Variants in CD200 observed in about 807,000 individuals in gnomAD.
CD200 encodes OX-2 membrane glycoprotein.
Under a neutral mutation model 30.9 loss-of-function variants are expected in CD200, and 15 were observed. The ratio of observed to expected loss-of-function variants is 0.49; its 90% CI spans 0.32 to 0.75. The LOEUF is 0.75. Ranked by LOEUF, CD200 falls within the 30% of genes least tolerant of loss-of-function variation. The pLI, the probability that CD200 is intolerant of heterozygous loss-of-function variation, is 0.03. For synonymous variants in CD200, 134 were observed against 126.2 expected (o/e 1.06, Z -0.41); for missense variants, 262 against 324.2 (o/e 0.81, Z 1.47).
intron 5 of CD200, among the ~76,000 whole-genome samples, chr3:112,359,653 A>T (rs1180227001): frequency 6.6e-6 from 1 of 152,190 alleles, no homozygotes; most frequent in Admixed American, 6.5e-5. Context: ...TTTATTAATA[A>T]TTTTTAATAT....
At position 112,347,845 on chromosome 3, in the gene CD200, G is replaced by A; in HGVS notation, c.694+15G>A. ...CGTCAACAAAGGTAAGAGAAAGTGA[G>A]CAAGGTGGCTGTGGTTGTGTCTGTG... On this transcript the variant is annotated intron_variant, in intron 4 of 5. Coordinates refer to ENST00000315711, the MANE Select transcript of CD200 (RefSeq NM_005944.7). 6.2e-7 allele frequency: 1 copy of A among 1,608,858 alleles called. No homozygotes were observed.
chr3:112,345,365 C>A, intron 3 of CD200, 77 bp downstream of exon 3: 1 of 1,169,742 alleles, frequency 8.5e-7, no homozygotes, highest in South Asian at 1.4e-5. Flanking sequence ...CCGTAGTGCC[C>A]AGTTTTTCAG....
Position 112,342,064 on chromosome 3 carries a change from A to G in CD200, c.94+1081A>G, listed in dbSNP as rs76076816. Among the ~76,000 whole-genome samples, 1,180 of 152,050 alleles carry G rather than the reference A, an allele frequency of 7.8e-3. 21 individuals are homozygous for G. The highest frequency in any genetic ancestry group is 0.027 in the African/African-American group (1,133 of 41,456). On this transcript the variant is annotated intron_variant, in intron 2 of 5. Coordinates refer to ENST00000315711, the MANE Select transcript of CD200 (RefSeq NM_005944.7). ...TTCTACTTATACTTGTCAACATTTTATCCAGATTATCAGTCTTTAAAAACA... is the reference window on the plus strand; with the variant it reads ...TTCTACTTATACTTGTCAACATTTTGTCCAGATTATCAGTCTTTAAAAACA...
At chr3:112,342,420 TCTTTCTTTC>T (rs1369116965) in intron 2 of CD200, among the ~76,000 whole-genome samples, 4 of 84,834 alleles carry the variant, frequency 4.7e-5, no homozygotes, top group Non-Finnish European at 7.3e-5. Context: ...TTTCTTTCTT[TCTTTCTTTC>T]TTCTCTCTCT....
At chr3:112,345,656 C>A (rs1486164532) in intron 3 of CD200, among the ~76,000 whole-genome samples, 5 of 152,318 alleles carry the variant, frequency 3.3e-5, no homozygotes, top group African/African-American at 1.2e-4. Flanking sequence ...ATTGTCTGGA[C>A]AATAAGTGTG....
chr3:112,336,285 A>C (rs940317558), intron 1 of CD200, among the ~76,000 whole-genome samples: 4 of 152,140 alleles, frequency 2.6e-5, no homozygotes, highest in Non-Finnish European at 5.9e-5. Context: ...GGACAGGAAA[A>C]GGAAGAGAAA....
chr3:112,348,288 G>A (rs2081448785), intron 4 of CD200, among the ~76,000 whole-genome samples: 1 of 152,170 alleles, frequency 6.6e-6, no homozygotes, highest in South Asian at 2.1e-4. Flanking sequence ...GGGAAGGAGG[G>A]GCTCAATCTG....
At chr3:112,354,978 T>C (rs1422130348) in intron 5 of CD200, among the ~76,000 whole-genome samples, 1 of 152,214 alleles carries the variant, frequency 6.6e-6, no homozygotes, top group Admixed American at 6.5e-5. Context: ...TCCTTGTGAT[T>C]ACAATGGGCC....
chr3:112,332,946 T>C, upstream of CD200: 1 of 547,444 alleles, frequency 1.8e-6, no homozygotes, highest in Non-Finnish European at 3.2e-6. Flanking sequence ...CCAAACACTT[T>C]GTCAGTTTCC....
chr3:112,358,610 T>C (rs12635872), intron 5 of CD200, among the ~76,000 whole-genome samples: 27,689 of 152,146 alleles, frequency 0.18, 2,798 homozygotes, highest in East Asian at 0.46. Flanking sequence ...GCAGTTCCTG[T>C]AAGGATGTGT....
Position 112,344,945 on chromosome 3 carries a change from C to A in CD200, c.95-17C>A, listed in dbSNP as rs2081351333. ...GTTACAATCTTTAAATATAAATGTT[C>A]TTTTATGATTCCATAGTGCAAGTGG... On this transcript the variant is annotated splice_polypyrimidine_tract_variant and intron_variant, in intron 2 of 5. Transcript: ENST00000315711. 1 of 1,554,138 alleles carries A rather than the reference C, an allele frequency of 6.4e-7. No homozygotes were observed. The highest frequency in any genetic ancestry group is 1.2e-5 in the South Asian group (1 of 84,910).
chr3:112,356,159 C>T (rs1464767731), intron 5 of CD200, among the ~76,000 whole-genome samples: 2 of 152,204 alleles, frequency 1.3e-5, no homozygotes, highest in Non-Finnish European at 2.9e-5. Context: ...CTGACCAATG[C>T]TGCTAGTTCT....
intron 5 of CD200, among the ~76,000 whole-genome samples, chr3:112,357,385 T>G (rs1438859015): frequency 6.6e-6 from 1 of 151,988 alleles, no homozygotes; most frequent in South Asian, 2.1e-4. Context: ...CCAACTTCCG[T>G]GAAGTAAATG....
intron 1 of CD200, chr3:112,333,517 C>A (rs1051944879): frequency 1.0e-6 from 1 of 985,442 alleles, no homozygotes; most frequent in South Asian, 4.7e-5. Flanking sequence ...GCTCTTGATC[C>A]GCGCTGACGA....
chr3:112,338,201 C>A (rs1450841256), intron 1 of CD200, among the ~76,000 whole-genome samples: 2 of 151,990 alleles, frequency 1.3e-5, no homozygotes, highest in African/African-American at 2.4e-5. Flanking sequence ...ACATGGGTAC[C>A]AAGGAACAGA....
intron 5 of CD200, among the ~76,000 whole-genome samples, chr3:112,353,029 C>A (rs1277973288): frequency 6.6e-6 from 1 of 152,140 alleles, no homozygotes; most frequent in East Asian, 1.9e-4. Context: ...GAATCCAGCA[C>A]TTTAAAACAG....
chr3:112,361,866 A>G lies in CD200; in HGVS notation c.*316A>G. On this transcript the variant is annotated 3_prime_UTR_variant, in exon 6 of 6. Transcript: ENST00000315711. ...AGCTCACAGACTGACTTGGGCTCCT[A>G]CTGGTGGGGACCTCTGTTAGTCACT... 3 of 394,618 alleles carry G rather than the reference A, an allele frequency of 7.6e-6. No homozygotes were observed. The highest frequency in any genetic ancestry group is 1.0e-4 in the South Asian group (2 of 19,716). 24.4% of individuals were successfully genotyped at this position (394,618 alleles called of 1,614,324 possible).
chr3:112,334,750 A>G (rs1316251441), intron 1 of CD200, among the ~76,000 whole-genome samples: 2 of 86,844 alleles, frequency 2.3e-5, no homozygotes, highest in East Asian at 5.2e-4. Context: ...GACTCGAGGA[A>G]AAAAAAAACC....
intron 5 of CD200, among the ~76,000 whole-genome samples, chr3:112,355,583 C>A (rs1400408882): frequency 6.6e-6 from 1 of 152,066 alleles, no homozygotes; most frequent in African/African-American, 2.4e-5. Context: ...TAGGCATAAC[C>A]AAATTGGTCT....
Sources: allele counts gnomAD v4.1 joint callset (sites outside exome capture counted in the v4.1 genomes callset), GRCh38; gene constraint gnomAD v4.1.1; transcripts MANE v1.5; gene names NCBI Gene and HGNC (gene_info 2026-07-23, HGNC 2026-07-21).